Variants in RSPH14 observed in about 807,000 individuals in gnomAD.
RSPH14 encodes radial spoke head 14 homolog.
RSPH14 carries 20 observed loss-of-function variants against 26.7 expected under a neutral mutation model. The observed-to-expected ratio is 0.75, with a 90% CI of 0.53 to 1.09. The LOEUF (loss-of-function observed/expected upper bound fraction) is 1.09, where lower values mean the gene tolerates loss of function less well. RSPH14 is among the 50% of genes least tolerant of loss of function. The probability of loss-of-function intolerance (pLI) is 0.00; values close to 1 mark genes in which losing one functional copy is unlikely to be tolerated. For missense variants in RSPH14, 449 were observed against 457.2 expected (o/e 0.98, Z 0.16); for synonymous variants, 177 against 189.3 (o/e 0.93, Z 0.53).
chr22:23,147,271 A>C (rs996284147), upstream of RSPH14, among the ~76,000 whole-genome samples: 1 of 152,190 alleles, frequency 6.6e-6, no homozygotes, highest in African/African-American at 2.4e-5. Flanking sequence ...CATAGGGGGC[A>C]GTGGACAATA....
chr22:23,156,290 A>C, the RSPH14 span: 1 of 408,740 alleles, frequency 2.4e-6, no homozygotes, highest in Non-Finnish European at 4.6e-6. Flanking sequence ...GTTTCAGCTC[A>C]TAAAGATGCT....
chr22:23,123,284 G>C lies in RSPH14; in HGVS notation c.421+10742C>G, dbSNP rs200744011. On this transcript the variant is annotated intron_variant, in intron 4 of 6. Coordinates refer to ENST00000216036, the MANE Select transcript of RSPH14 (RefSeq NM_014433.3). ...AGGCCGCTGTCTACATCCAGCGGCAGTTTGAAGACCTGAACCGCAACAAGG... is the reference window on the plus strand; with the variant it reads ...AGGCCGCTGTCTACATCCAGCGGCACTTTGAAGACCTGAACCGCAACAAGG... 6 of 1,614,158 alleles carry C rather than the reference G, an allele frequency of 3.7e-6. No individual in the cohort carries two copies. The highest frequency in any genetic ancestry group is 2.2e-5 in the East Asian group (1 of 44,882).
the RSPH14 span, among the ~76,000 whole-genome samples, chr22:23,157,506 G>C: frequency 8.5e-5 from 13 of 152,102 alleles, no homozygotes; most frequent in African/African-American, 3.1e-4. Context: ...TGATCCACCC[G>C]CCTCAGCCTC....
chr22:23,095,663 G>A (rs1056359827), intron 4 of RSPH14: 25 of 1,572,592 alleles, frequency 1.6e-5, no homozygotes, highest in Middle Eastern at 2.1e-4. Flanking sequence ...GCCCCATCCC[G>A]TGCTCCTTGT....
the RSPH14 span, chr22:23,152,572 G>T: frequency 2.5e-6 from 4 of 1,579,480 alleles, no homozygotes; most frequent in Non-Finnish European, 3.5e-6. Context: ...CCAGCACCAG[G>T]TTGTCATACC....
chr22:23,080,311 G>T (rs1262948377), intron 4 of RSPH14, among the ~76,000 whole-genome samples: 1 of 152,218 alleles, frequency 6.6e-6, no homozygotes, highest in Admixed American at 6.5e-5. Flanking sequence ...GTGGCTGAGG[G>T]TGTCCAGAGC....
the RSPH14 span, among the ~76,000 whole-genome samples, chr22:23,177,771 G>A: frequency 6.6e-6 from 1 of 152,154 alleles, no homozygotes; most frequent in Admixed American, 6.5e-5. Context: ...TATGCCAAGA[G>A]AACAGAGCAT....
At chr22:23,145,509 C>G (rs761171420), upstream of RSPH14, 1 of 1,605,300 alleles carries the variant, frequency 6.2e-7, no homozygotes, top group Non-Finnish European at 8.5e-7. Flanking sequence ...CTGGCTCAGG[C>G]GGACCAGGCC....
chr22:23,091,515 C>T (rs2068975858), intron 4 of RSPH14, among the ~76,000 whole-genome samples: 1 of 151,450 alleles, frequency 6.6e-6, no homozygotes, highest in Non-Finnish European at 1.5e-5. Context: ...CATACATGCA[C>T]ACACACCGCA....
At position 23,140,464 on chromosome 22, in the gene RSPH14, A is replaced by G. The variant is rs944393252; in HGVS notation, c.-44T>C. On this transcript the variant is annotated 5_prime_UTR_variant, in exon 2 of 7. Coordinates refer to ENST00000216036, the MANE Select transcript of RSPH14 (RefSeq NM_014433.3). ...GCCTTTCCAAATGAAGCTCTGCAGA[A>G]ACCACTCACTAAAAGAGACCAAAAA... The G allele has an allele frequency of 6.2e-7, 1 of 1,604,650 alleles. No homozygotes were observed. The highest frequency in any genetic ancestry group is 1.3e-5 in the African/African-American group (1 of 74,806).
At chr22:23,150,042 C>T in the RSPH14 span, 18 of 1,573,136 alleles carry the variant, frequency 1.1e-5, no homozygotes, top group African/African-American at 6.7e-5. Context: ...ATGATGTGTC[C>T]GTCTGTCTGT....
chr22:23,119,381 A>G (rs1260559405), intron 4 of RSPH14, among the ~76,000 whole-genome samples: 1 of 152,212 alleles, frequency 6.6e-6, no homozygotes, highest in Non-Finnish European at 1.5e-5. Flanking sequence ...CATCAACTTC[A>G]GCTGGTCAGG....
At chr22:23,166,513 G>A in the RSPH14 span, among the ~76,000 whole-genome samples, 1 of 152,072 alleles carries the variant, frequency 6.6e-6, no homozygotes, top group African/African-American at 2.4e-5. Flanking sequence ...ACTCAGCATA[G>A]AGGTGCTTCC....
Position 23,112,260 on chromosome 22 carries a change from C to A in RSPH14, c.421+21766G>T, listed in dbSNP as rs1056190701. 1.1e-4 allele frequency among the ~76,000 whole-genome samples: 16 copies of A among 152,362 alleles called. No homozygotes were observed. In the East Asian group the frequency reaches 3.1e-3, roughly 29 times the overall value. ...CTTCCCCAGCTGCCACAGCCCCAGG[C>A]CCTGCCTGGGGGTCTCTGGAGGAAG... On this transcript the variant is annotated intron_variant, in intron 4 of 6. Coordinates refer to ENST00000216036, the MANE Select transcript of RSPH14 (RefSeq NM_014433.3).
At chr22:23,093,364 A>C (rs1259001375) in intron 4 of RSPH14, among the ~76,000 whole-genome samples, 2 of 151,766 alleles carry the variant, frequency 1.3e-5, no homozygotes, top group African/African-American at 4.8e-5. Context: ...CCCTCCTTCC[A>C]CCAACCAGTG....
chr22:23,153,403 C>T, the RSPH14 span: 1 of 234,756 alleles, frequency 4.3e-6, no homozygotes, highest in Non-Finnish European at 7.0e-6. Flanking sequence ...AATGCCCACC[C>T]CACTCCTCTT....
intron 4 of RSPH14, among the ~76,000 whole-genome samples, chr22:23,093,237 A>C (rs1331644700): frequency 1.3e-5 from 2 of 152,188 alleles, no homozygotes; most frequent in Non-Finnish European, 2.9e-5. Flanking sequence ...GTGACTGTTT[A>C]ATCACTGCCC....
At chr22:23,157,886 T>TG in the RSPH14 span, 1 of 1,580,354 alleles carries the variant, frequency 6.3e-7, no homozygotes. Context: ...AGTGCCTGGT[T>TG]GGGGGGCTGC....
chr22:23,094,708 C>T (rs73878641), intron 4 of RSPH14, among the ~76,000 whole-genome samples: 1,784 of 152,360 alleles, frequency 0.012, 40 homozygotes, highest in African/African-American at 0.04. Context: ...GCTGGCCCAT[C>T]AGAGTGCCCT....
Sources: allele counts gnomAD v4.1 joint callset (sites outside exome capture counted in the v4.1 genomes callset), GRCh38; gene constraint gnomAD v4.1.1; transcripts MANE v1.5; gene names NCBI Gene and HGNC (gene_info 2026-07-23, HGNC 2026-07-21).